BMPER: variants seen among roughly 807,000 people sequenced by gnomAD.
The protein encoded by BMPER is BMP binding endothelial regulator, also known as BMP-binding endothelial regulator protein.
Under a neutral mutation model 87.3 loss-of-function variants are expected in BMPER, and 45 were observed. That is an observed-to-expected ratio of 0.52 (90% CI 0.41 to 0.66). The LOEUF is 0.66. Ranked by LOEUF, BMPER falls within the 30% of genes least tolerant of loss-of-function variation. The probability of loss-of-function intolerance (pLI) is 0.00; values close to 1 mark genes in which losing one functional copy is unlikely to be tolerated. For missense variants in BMPER, 784 were observed against 867.5 expected (o/e 0.90, Z 1.21); for synonymous variants, 326 against 316.2 (o/e 1.03, Z -0.33).
intron 6 of BMPER, among the ~76,000 whole-genome samples, chr7:34,012,438 C>T (rs1463856146): frequency 1.3e-5 from 2 of 151,940 alleles, no homozygotes; most frequent in Non-Finnish European, 2.9e-5. Flanking sequence ...GAAACTGACT[C>T]ACTTTTCAGT....
chr7:33,921,079 A>G (rs1481703709), intron 2 of BMPER, among the ~76,000 whole-genome samples: 2 of 152,100 alleles, frequency 1.3e-5, no homozygotes, highest in African/African-American at 4.8e-5. Flanking sequence ...AAGACTTTAT[A>G]TTGGTTACTT....
intron 14 of BMPER, among the ~76,000 whole-genome samples, chr7:34,145,018 T>C (rs996103551): frequency 6.6e-6 from 1 of 152,202 alleles, no homozygotes; most frequent in African/African-American, 2.4e-5. Flanking sequence ...ACCTGTGAGT[T>C]ATAACCTGGC....
intron 2 of BMPER, among the ~76,000 whole-genome samples, chr7:33,917,504 T>G (rs1784114002): frequency 6.6e-6 from 1 of 152,130 alleles, no homozygotes; most frequent in South Asian, 2.1e-4. Flanking sequence ...TAAGGTTTCG[T>G]GCAGGTAACT....
In BMPER at chr7:34,156,160, T is replaced by G. The variant is rs1480058764; in HGVS notation, c.*2887T>G. Among the ~76,000 whole-genome samples, 2 of 152,192 alleles carry G rather than the reference T, an allele frequency of 1.3e-5. No homozygotes were observed. The highest frequency in any genetic ancestry group is 4.8e-5 in the African/African-American group (2 of 41,458). On this transcript the variant is annotated 3_prime_UTR_variant, in exon 15 of 15. Coordinates refer to ENST00000649409, the MANE Select transcript of BMPER (RefSeq NM_001365308.1). ...CTGCTTCCTGACCATCAGACCGTCCTGTAAGAGGGCATCTTTCAATAAGAA... is the reference window on the plus strand; with the variant it reads ...CTGCTTCCTGACCATCAGACCGTCCGGTAAGAGGGCATCTTTCAATAAGAA...
chr7:34,078,828 C>A, intron 11 of BMPER, 29 bp from the exon 12 acceptor site: 1 of 1,611,652 alleles, frequency 6.2e-7, no homozygotes, highest in Non-Finnish European at 8.5e-7. Context: ...TGGTTTGTGA[C>A]CCGGCTTTTG....
At chr7:34,080,334 T>C (rs1788979671) in intron 12 of BMPER, among the ~76,000 whole-genome samples, 1 of 152,212 alleles carries the variant, frequency 6.6e-6, no homozygotes, top group African/African-American at 2.4e-5. Context: ...ATAAGTTGAT[T>C]TGAGCTTATG....
At chr7:34,053,230 A>G (rs947564647) in intron 8 of BMPER, among the ~76,000 whole-genome samples, 5 of 152,218 alleles carry the variant, frequency 3.3e-5, no homozygotes, top group Admixed American at 2.6e-4. Flanking sequence ...GTGTTTTACT[A>G]GAGTATGAAT....
intron 6 of BMPER, among the ~76,000 whole-genome samples, chr7:34,042,058 A>C (rs1056080297): frequency 2.0e-5 from 3 of 152,162 alleles, no homozygotes; most frequent in Non-Finnish European, 4.4e-5. Flanking sequence ...TCTTGAACCC[A>C]TCACTATATT....
intron 6 of BMPER, among the ~76,000 whole-genome samples, chr7:34,036,172 A>G (rs887005877): frequency 1.3e-5 from 2 of 152,216 alleles, no homozygotes; most frequent in Admixed American, 1.3e-4. Flanking sequence ...GGCTGTAGAT[A>G]AAGCGTTTGA....
intron 13 of BMPER, among the ~76,000 whole-genome samples, chr7:34,090,987 G>A (rs2127979089): frequency 6.6e-6 from 1 of 152,316 alleles, no homozygotes; most frequent in Non-Finnish European, 1.5e-5. Flanking sequence ...AGGAATTGAA[G>A]TCATGCCAGA....
chr7:34,132,364 C>T (rs938837093), intron 13 of BMPER, among the ~76,000 whole-genome samples: 1 of 151,986 alleles, frequency 6.6e-6, no homozygotes. Flanking sequence ...GCCCCAGGAT[C>T]GAAGCCAGTT....
intron 13 of BMPER, among the ~76,000 whole-genome samples, chr7:34,089,510 GTC>G (rs1789318809): frequency 6.6e-6 from 1 of 152,044 alleles, no homozygotes. Context: ...TTGAGACAGA[GTC>G]TTGCTCTGTC....
At chr7:34,015,075 T>C (rs1786983948) in intron 6 of BMPER, among the ~76,000 whole-genome samples, 1 of 151,968 alleles carries the variant, frequency 6.6e-6, no homozygotes, top group South Asian at 2.1e-4. Flanking sequence ...CATGACTGGA[T>C]GTATTCTGAA....
At chr7:34,085,720 A>G (rs1195288212) in intron 12 of BMPER, 36 bp from the exon 13 acceptor site, 1 of 1,549,918 alleles carries the variant, frequency 6.5e-7, no homozygotes, top group Non-Finnish European at 8.9e-7. Flanking sequence ...TGCGTTAATG[A>G]GTGATTGATT....
intron 12 of BMPER, among the ~76,000 whole-genome samples, chr7:34,085,533 T>C (rs1585816458): frequency 6.6e-6 from 1 of 152,160 alleles, no homozygotes; most frequent in African/African-American, 2.4e-5. Context: ...GGACAAACTT[T>C]ATACGGTTTA....
At chr7:33,928,201 C>T (rs528966138) in intron 2 of BMPER, among the ~76,000 whole-genome samples, 6 of 152,258 alleles carry the variant, frequency 3.9e-5, no homozygotes, top group African/African-American at 1.4e-4. Flanking sequence ...AGGCAGGACG[C>T]CACCATGAAC....
intron 6 of BMPER, among the ~76,000 whole-genome samples, chr7:33,984,927 A>G (rs1040324490): frequency 1.3e-5 from 2 of 152,190 alleles, no homozygotes; most frequent in Admixed American, 1.3e-4. Flanking sequence ...CTATCTGTCC[A>G]TTCCTCTTTC....
chr7:34,085,974 C>T lies in BMPER; in HGVS notation c.1627C>T (p.Pro543Ser). The part of the protein sequence containing the change: ...FCNRPQRKPV[P>S]ELCQGTVKVK... ...CAACAGACCTCAGAGAAAGCCAGTG[C>T]CTGAACTGTGTCAAGGGACAGTCAA... The change falls in exon 13 of 15, where the codon CCT becomes TCT. Residue 543 changes from proline (P) to serine (S), a missense_variant. Transcript: ENST00000649409. The T allele has an allele frequency of 6.2e-7, 1 of 1,614,104 alleles. No individual in the cohort carries two copies.
chr7:34,113,959 A>G (rs991549218), intron 13 of BMPER, among the ~76,000 whole-genome samples: 1 of 152,054 alleles, frequency 6.6e-6, no homozygotes, highest in African/African-American at 2.4e-5. Flanking sequence ...TGTTCCTGTG[A>G]TTGAGAGTAT....
Sources: gnomAD v4.1 joint callset for allele counts (sites outside exome capture counted in the v4.1 genomes callset) on GRCh38, gnomAD v4.1.1 for gene constraint, MANE v1.5 for transcripts, NCBI Gene and HGNC (gene_info 2026-07-23, HGNC 2026-07-21) for gene names.